NCK2: variants seen among roughly 807,000 people sequenced by gnomAD.
NCK2 encodes cytoplasmic protein NCK2.
A neutral mutation model predicts 33.9 loss-of-function variants in NCK2; 16 were observed. The ratio of observed to expected loss-of-function variants is 0.47; its 90% CI spans 0.32 to 0.72. NCK2 has a LOEUF of 0.72. NCK2 is among the 30% of genes least tolerant of loss of function. The probability of loss-of-function intolerance (pLI) is 0.03; values close to 1 mark genes in which losing one functional copy is unlikely to be tolerated. For missense variants in NCK2, 418 were observed against 537.3 expected (o/e 0.78, Z 2.19); for synonymous variants, 273 against 239.9 (o/e 1.14, Z -1.27).
intron 2 of NCK2, among the ~76,000 whole-genome samples, chr2:105,847,559 A>G (rs1005127474): frequency 5.3e-5 from 8 of 152,086 alleles, no homozygotes; most frequent in African/African-American, 1.9e-4. Context: ...GACCTGGAAC[A>G]AGAGCCAGCC....
intron 1 of NCK2, among the ~76,000 whole-genome samples, chr2:105,790,532 C>T (rs982295314): frequency 1.3e-4 from 20 of 152,260 alleles, no homozygotes; most frequent in Non-Finnish European, 2.5e-4. Context: ...GAGGAGCCAC[C>T]TCTGGAGCCC....
chr2:105,821,768 C>T lies in NCK2; in HGVS notation c.-17+5155C>T, dbSNP rs751648952. 1.4e-4 allele frequency among the ~76,000 whole-genome samples: 19 copies of T among 138,886 alleles called. 1 individual carries two copies. Among genetic ancestry groups the T allele is most frequent in the South Asian group, 7.0e-4 (3 of 4,310 alleles). 91.1% of individuals were successfully genotyped at this position (138,886 alleles called of 152,430 possible). A position where few individuals can be genotyped will look rare whatever the true frequency, so the allele number is the denominator to read the frequency against. ...TTTAATAGATGGGGACACAAAGCCT[C>T]AGGAGAGGTTAAGGAGACTGTCCAC... On this transcript the variant is annotated intron_variant, in intron 2 of 4. Transcript: ENST00000233154.
In NCK2 at chr2:105,784,965, G is replaced by A. The variant is rs116277788; in HGVS notation, c.-200-31465G>A. On this transcript the variant is annotated intron_variant, in intron 1 of 4. Transcript: ENST00000233154. ...TATGTGTTTTTTTGTGTGTTTTTTC[G>A]TTTTTGTTTTGTTTTTGTTTTTGTT... Among the ~76,000 whole-genome samples the A allele has an allele frequency of 9.6e-3, 1,460 of 152,176 alleles. 21 individuals carry two copies. Among genetic ancestry groups the A allele is most frequent in the African/African-American group, 0.033 (1,373 of 41,506 alleles).
At chr2:105,744,661 A>G (rs1252132223), upstream of NCK2, among the ~76,000 whole-genome samples, 1 of 151,646 alleles carries the variant, frequency 6.6e-6, no homozygotes, top group African/African-American at 2.4e-5. Context: ...AGCGTCCCGC[A>G]GCCCCGCGCT....
intron 2 of NCK2, among the ~76,000 whole-genome samples, chr2:105,818,363 C>G (rs1573628503): frequency 1.3e-5 from 2 of 151,204 alleles, no homozygotes; most frequent in East Asian, 3.9e-4. Context: ...ACCAACATGG[C>G]ACATGTATAC....
chr2:105,856,049 T>C (rs1231459102), intron 3 of NCK2, among the ~76,000 whole-genome samples: 1 of 152,162 alleles, frequency 6.6e-6, no homozygotes, highest in Non-Finnish European at 1.5e-5. Flanking sequence ...TTAGCCAGGA[T>C]GATCTCGATC....
chr2:105,842,107 G>A (rs552856011), intron 2 of NCK2, among the ~76,000 whole-genome samples: 1 of 151,006 alleles, frequency 6.6e-6, no homozygotes, highest in South Asian at 2.1e-4. Context: ...TTTTTTTTGA[G>A]CCGGAGTTTC....
intron 1 of NCK2, among the ~76,000 whole-genome samples, chr2:105,756,963 GC>G (rs1689616430): frequency 6.6e-6 from 1 of 152,026 alleles, no homozygotes; most frequent in Non-Finnish European, 1.5e-5. Context: ...ACACCACCAT[GC>G]CCGGCTGATT....
At chr2:105,882,129 C>T (rs978722102) in intron 4 of NCK2, 80 bp downstream of exon 4, 54 of 1,379,638 alleles carry the variant, frequency 3.9e-5, no homozygotes, top group East Asian at 8.1e-5. Flanking sequence ...GCGCCCTTTT[C>T]ACATTGTGTG....
Position 105,833,673 on chromosome 2 carries a change from T to TG in NCK2, c.-17+17062dup, listed in dbSNP as rs35133660. On this transcript the variant is annotated intron_variant, in intron 2 of 4. Transcript: ENST00000233154. Reference sequence around the variant, plus strand: ...ATTTAATTGATTTTTTGCATTTTTTTGGCCTCTTTTGTTCAGTTCTCTGGT... The same window carrying TG: ...ATTTAATTGATTTTTTGCATTTTTTTGGGCCTCTTTTGTTCAGTTCTCTGGT... 8.9e-3 allele frequency among the ~76,000 whole-genome samples: 1,348 copies of TG among 152,242 alleles called. 65 individuals are homozygous for TG. The East Asian group carries it at 0.14, about 15-fold the overall frequency.
At chr2:105,770,257 C>G (rs1317147184) in intron 1 of NCK2, among the ~76,000 whole-genome samples, 1 of 151,958 alleles carries the variant, frequency 6.6e-6, no homozygotes, top group Non-Finnish European at 1.5e-5. Context: ...GGACAGAATT[C>G]TTTTCTACAG....
intron 1 of NCK2, among the ~76,000 whole-genome samples, chr2:105,756,415 A>G (rs1251812140): frequency 1.3e-5 from 2 of 152,230 alleles, no homozygotes; most frequent in Admixed American, 6.5e-5. Flanking sequence ...AATTCTTTGC[A>G]CAGACTGGAA....
intron 4 of NCK2, among the ~76,000 whole-genome samples, chr2:105,888,577 A>G (rs761874526): frequency 6.6e-6 from 1 of 152,230 alleles, no homozygotes; most frequent in Non-Finnish European, 1.5e-5. Flanking sequence ...GCTTAAAAAG[A>G]TGTCCATAAA....
chr2:105,791,803 G>C (rs1432124073), intron 1 of NCK2, among the ~76,000 whole-genome samples: 1 of 152,154 alleles, frequency 6.6e-6, no homozygotes, highest in Non-Finnish European at 1.5e-5. Context: ...GTTGTGTTTT[G>C]ATAGGCCACT....
intron 2 of NCK2, among the ~76,000 whole-genome samples, chr2:105,840,100 G>A (rs998610945): frequency 1.3e-5 from 2 of 152,200 alleles, no homozygotes; most frequent in African/African-American, 4.8e-5. Flanking sequence ...GCTTCTGGTA[G>A]AGTATCCCCT....
intron 1 of NCK2, among the ~76,000 whole-genome samples, chr2:105,752,161 C>T (rs990266469): frequency 6.6e-6 from 1 of 152,252 alleles, no homozygotes; most frequent in Middle Eastern, 3.4e-3. Context: ...AGCCTTGTTG[C>T]GGAGTGTGAG....
chr2:105,890,568 C>T (rs1678928267), intron 4 of NCK2, among the ~76,000 whole-genome samples: 1 of 152,216 alleles, frequency 6.6e-6, no homozygotes, highest in Non-Finnish European at 1.5e-5. Flanking sequence ...ATGCCCTGGG[C>T]CTCACATGGG....
At chr2:105,857,028 TTC>T (rs1362797560) in intron 3 of NCK2, 4 of 60,032 alleles carry the variant, frequency 6.7e-5, no homozygotes, top group East Asian at 5.5e-4. Flanking sequence ...GTTGTGTGTC[TTC>T]TTTTTTTTTT....
In NCK2 at chr2:105,893,241, C is replaced by T; in HGVS notation, c.*65C>T. The T allele has an allele frequency of 6.9e-7, 1 of 1,459,198 alleles. No individual in the cohort carries two copies. Among genetic ancestry groups the T allele is most frequent in the East Asian group, 2.5e-5 (1 of 40,226 alleles). The allele number at this position is 1,459,198 out of a possible 1,614,324, so 90.4% of individuals were successfully genotyped here. Reference sequence around the variant, plus strand: ...TGGAGCTGCCCGCCCGGCCTTGTGGCAGAGGCTCCTCCCGCGGGGACGGCC... The same window carrying T: ...TGGAGCTGCCCGCCCGGCCTTGTGGTAGAGGCTCCTCCCGCGGGGACGGCC... On this transcript the variant is annotated 3_prime_UTR_variant, in exon 5 of 5. Coordinates refer to ENST00000233154, the MANE Select transcript of NCK2 (RefSeq NM_003581.5).
Sources: allele counts gnomAD v4.1 joint callset (sites outside exome capture counted in the v4.1 genomes callset), GRCh38; gene constraint gnomAD v4.1.1; transcripts MANE v1.5; gene names NCBI Gene and HGNC (gene_info 2026-07-23, HGNC 2026-07-21).